SGCD: variants seen among roughly 807,000 people sequenced by gnomAD.
SGCD encodes the protein delta-sarcoglycan.
A neutral mutation model predicts 36.6 loss-of-function variants in SGCD; 18 were observed. The ratio of observed to expected loss-of-function variants is 0.49; its 90% CI spans 0.34 to 0.73. The LOEUF (loss-of-function observed/expected upper bound fraction) is 0.73. SGCD is among the 30% of genes least tolerant of loss of function. The probability of loss-of-function intolerance (pLI) is 0.01; values close to 1 mark genes in which losing one functional copy is unlikely to be tolerated. For missense variants in SGCD, 387 were observed against 346.7 expected, an observed-to-expected ratio of 1.12 and a Z score of -0.92; for synonymous variants, 133 against 130.6, an observed-to-expected ratio of 1.02 and a Z score of -0.12.
intron 1 of SGCD, among the ~76,000 whole-genome samples, chr5:155,984,194 T>G (rs1051950047): frequency 2.0e-5 from 3 of 152,234 alleles, no homozygotes; most frequent in African/African-American, 7.2e-5. Context: ...TAGGAATGTA[T>G]TCACTTATTT....
chr5:156,221,055 G>T (rs1308983906), intron 3 of SGCD, among the ~76,000 whole-genome samples: 1 of 152,088 alleles, frequency 6.6e-6, no homozygotes, highest in Non-Finnish European at 1.5e-5. Flanking sequence ...GCAAATGTTT[G>T]TTCTCAGATA....
At chr5:156,469,902 G>A (rs1369093040) in intron 3 of SGCD, among the ~76,000 whole-genome samples, 2 of 152,184 alleles carry the variant, frequency 1.3e-5, no homozygotes, top group Non-Finnish European at 2.9e-5. Flanking sequence ...GTAAACATGG[G>A]CCAAGTTAAG....
At chr5:156,707,348 ATCT>A (rs889584051) in intron 7 of SGCD, among the ~76,000 whole-genome samples, 4 of 152,152 alleles carry the variant, frequency 2.6e-5, no homozygotes, top group East Asian at 1.9e-4. Flanking sequence ...TTAGACTGAC[ATCT>A]TCTTCATCTA....
At chr5:155,989,158 T>C (rs1482452283) in intron 1 of SGCD, among the ~76,000 whole-genome samples, 1 of 152,212 alleles carries the variant, frequency 6.6e-6, no homozygotes, top group Non-Finnish European at 1.5e-5. Context: ...TTAGCTGCTA[T>C]TTGCTTAATT....
chr5:156,331,629 G>A (rs1292175798), intron 2 of SGCD, among the ~76,000 whole-genome samples: 1 of 152,144 alleles, frequency 6.6e-6, no homozygotes, highest in Non-Finnish European at 1.5e-5. Context: ...ACTGTCTTGT[G>A]AGCACCTTGA....
At chr5:155,833,957 T>C in the SGCD span, among the ~76,000 whole-genome samples, 1 of 152,228 alleles carries the variant, frequency 6.6e-6, no homozygotes, top group Non-Finnish European at 1.5e-5. Context: ...TACACTGAGT[T>C]GTGGAAGGAC....
chr5:156,573,032 A>T (rs1759785101), intron 4 of SGCD, among the ~76,000 whole-genome samples: 1 of 152,110 alleles, frequency 6.6e-6, no homozygotes, highest in Admixed American at 6.5e-5. Flanking sequence ...TTCTTCAATA[A>T]TGGTCATGTT....
the SGCD span, among the ~76,000 whole-genome samples, chr5:155,825,126 G>T: frequency 6.6e-6 from 1 of 152,142 alleles, no homozygotes; most frequent in Non-Finnish European, 1.5e-5. Flanking sequence ...GTGGCACCAA[G>T]ATCTCCTGTA....
chr5:156,507,176 T>C (rs1158565147), intron 3 of SGCD, among the ~76,000 whole-genome samples: 1 of 152,182 alleles, frequency 6.6e-6, no homozygotes, highest in Non-Finnish European at 1.5e-5. Flanking sequence ...ACTGATCAGG[T>C]GATCTTAAAA....
chr5:155,800,955 A>G, the SGCD span, among the ~76,000 whole-genome samples: 2 of 151,994 alleles, frequency 1.3e-5, no homozygotes, highest in African/African-American at 2.4e-5. Context: ...TAATTCTTTT[A>G]CTGATTTTCT....
the SGCD span, among the ~76,000 whole-genome samples, chr5:155,772,198 C>T: frequency 6.6e-6 from 1 of 152,112 alleles, no homozygotes; most frequent in Non-Finnish European, 1.5e-5. Flanking sequence ...AAAGGGGGAG[C>T]AATTCACTCT....
At chr5:155,848,684 G>C in the SGCD span, among the ~76,000 whole-genome samples, 2 of 152,056 alleles carry the variant, frequency 1.3e-5, no homozygotes, top group Non-Finnish European at 2.9e-5. Context: ...AAAAGCTATT[G>C]TTATATAGCT....
chr5:156,414,320 T>TA (rs2127772051), intron 3 of SGCD, among the ~76,000 whole-genome samples: 1 of 152,324 alleles, frequency 6.6e-6, no homozygotes, highest in East Asian at 1.9e-4. Flanking sequence ...TCTCAGCCTA[T>TA]AAAAATAATT....
At chr5:155,807,175 C>G in the SGCD span, among the ~76,000 whole-genome samples, 2 of 152,218 alleles carry the variant, frequency 1.3e-5, no homozygotes, top group Non-Finnish European at 2.9e-5. Flanking sequence ...CCTTCTCTGA[C>G]TGAATCTGTA....
chr5:156,271,506 ATG>A (rs1435226508), intron 3 of SGCD, among the ~76,000 whole-genome samples: 7 of 152,180 alleles, frequency 4.6e-5, no homozygotes, highest in Non-Finnish European at 1.0e-4. Flanking sequence ...ATAAATATTT[ATG>A]TGTGTTTGTT....
chr5:156,476,943 A>G (rs1755206296), intron 3 of SGCD, among the ~76,000 whole-genome samples: 1 of 151,660 alleles, frequency 6.6e-6, no homozygotes, highest in Admixed American at 6.6e-5. Context: ...AGAGAAAGAT[A>G]TTTTATGAGC....
intron 3 of SGCD, among the ~76,000 whole-genome samples, chr5:156,501,343 T>C (rs1756442637): frequency 6.6e-6 from 1 of 152,096 alleles, no homozygotes; most frequent in Non-Finnish European, 1.5e-5. Context: ...AGCCAAGTAA[T>C]GACAAAGCCC....
At chr5:156,406,814 A>ATT (rs1772447069) in intron 3 of SGCD, among the ~76,000 whole-genome samples, 1 of 117,540 alleles carries the variant, frequency 8.5e-6, no homozygotes, top group Admixed American at 8.2e-5. Context: ...ATATATATAT[A>ATT]TATATACACA....
intron 3 of SGCD, among the ~76,000 whole-genome samples, chr5:156,449,316 C>T (rs550007894): frequency 1.2e-4 from 19 of 152,196 alleles, no homozygotes; most frequent in African/African-American, 4.3e-4. Flanking sequence ...ATTTGGATCA[C>T]GTTTGTTGCA....
Sources: allele counts gnomAD v4.1 joint callset (sites outside exome capture counted in the v4.1 genomes callset), GRCh38; gene constraint gnomAD v4.1.1; transcripts MANE v1.5; gene names NCBI Gene and HGNC (gene_info 2026-07-23, HGNC 2026-07-21).